The following RAPGEF6 variants were observed in gnomAD, a reference collection of about 807,000 sequenced individuals.
RAPGEF6 encodes the protein Rap guanine nucleotide exchange factor 6, also known as PDZ domain containing guanine nucleotide exchange factor (GEF) 2.
A neutral mutation model predicts 171.4 loss-of-function variants in RAPGEF6; 56 were observed. The ratio of observed to expected loss-of-function variants is 0.33; its 90% CI spans 0.26 to 0.41. The LOEUF (loss-of-function observed/expected upper bound fraction) is 0.41. Among genes scored for constraint, RAPGEF6 ranks in the 10% least tolerant of loss-of-function variants. The pLI is 1.00. For missense variants in RAPGEF6, 1,674 were observed against 1,921.4 expected, an observed-to-expected ratio of 0.87 and a Z score of 2.41; for synonymous variants, 692 against 650.1, an observed-to-expected ratio of 1.06 and a Z score of -0.98.
intron 3 of RAPGEF6, among the ~76,000 whole-genome samples, chr5:131,594,770 T>C (rs924306479): frequency 3.3e-5 from 5 of 152,274 alleles, no homozygotes; most frequent in South Asian, 2.1e-4. Flanking sequence ...CGGAGGTTAT[T>C]TGGAAGCTTT....
At chr5:131,498,319 T>A (rs556619406) in intron 12 of RAPGEF6, 124 bp downstream of exon 12, 1 of 857,126 alleles carries the variant, frequency 1.2e-6, no homozygotes, top group South Asian at 1.9e-5. Flanking sequence ...ATGGTTCAGG[T>A]TCATTAATTT....
rs189332239 is a variant in RAPGEF6 at position 131,502,720 on chromosome 5, G to C, written c.1254+1906C>G. On this transcript the variant is annotated intron_variant, in intron 11 of 27. Transcript: ENST00000509018. ...ACAACTAAATGCAACTGTGTTCTTG[G>C]ACAACACTCTAGACCAGAAGTAAGT... 3.3e-3 allele frequency among the ~76,000 whole-genome samples: 506 copies of C among 152,318 alleles called. 4 individuals are homozygous for C. The highest frequency in any genetic ancestry group is 0.012 in the African/African-American group (478 of 41,564).
intron 4 of RAPGEF6, among the ~76,000 whole-genome samples, chr5:131,581,204 T>G (rs1162274484): frequency 6.6e-6 from 1 of 152,228 alleles, no homozygotes; most frequent in Non-Finnish European, 1.5e-5. Flanking sequence ...AAAGGAGGAC[T>G]CTGTATATTT....
At position 131,485,056 on chromosome 5, in the gene RAPGEF6, A is replaced by T. The variant is rs150758571; in HGVS notation, c.1840+4490T>A. 3.1e-3 allele frequency among the ~76,000 whole-genome samples: 473 copies of T among 152,198 alleles called. 7 individuals are homozygous for T. In the East Asian group the frequency reaches 0.052, roughly 17 times the overall value. On this transcript the variant is annotated intron_variant, in intron 15 of 27. Coordinates refer to ENST00000509018, the MANE Select transcript of RAPGEF6 (RefSeq NM_016340.6). ...ATCTTCCTGCTTCAGCCTCCCAAGT[A>T]GCTGGGACTACAGGTGCATGCTACC...
At chr5:131,559,273 G>T (rs537334624) in intron 5 of RAPGEF6, among the ~76,000 whole-genome samples, 1 of 152,060 alleles carries the variant, frequency 6.6e-6, no homozygotes, top group Non-Finnish European at 1.5e-5. Context: ...AGGTTGCAGT[G>T]AGCTGAGATT....
At chr5:131,488,930 A>C (rs1406891016) in intron 15 of RAPGEF6, among the ~76,000 whole-genome samples, 1 of 152,224 alleles carries the variant, frequency 6.6e-6, no homozygotes, top group Non-Finnish European at 1.5e-5. Context: ...CTTTCCTAAA[A>C]GTTTAAAAAA....
In RAPGEF6 at chr5:131,461,882, C is replaced by A; in HGVS notation, c.2687G>T (p.Gly896Val). ...DDLFKLNSKTGNTHLKRFEDI... is the reference protein window; with the variant it reads ...DDLFKLNSKTVNTHLKRFEDI... ...CTCAAACCTCTTCAAATGAGTATTT[C>A]CTGTTTTGGAATTTAACTTAAAAAG... The change falls in exon 19 of 28, where the codon GGA becomes GTA. Residue 896 changes from glycine to valine, a missense_variant. Gly to Val is a moderately radical substitution (Grantham distance 109, BLOSUM62 -3). This residue lies in a region of RAPGEF6 where 1,116 missense variants were observed against 1,321.5 expected (regional missense o/e 0.84). Coordinates refer to ENST00000509018, the MANE Select transcript of RAPGEF6 (RefSeq NM_016340.6). The A allele has an allele frequency of 6.2e-7, 1 of 1,614,058 alleles. No individual in the cohort carries two copies. Among genetic ancestry groups the A allele is most frequent in the Non-Finnish European group, 8.5e-7 (1 of 1,179,974 alleles).
intron 7 of RAPGEF6, among the ~76,000 whole-genome samples, chr5:131,515,150 T>C (rs1423731925): frequency 6.6e-6 from 1 of 152,216 alleles, no homozygotes; most frequent in East Asian, 1.9e-4. Flanking sequence ...CTAAGAGTTA[T>C]ACAAACTTAC....
intron 1 of RAPGEF6, among the ~76,000 whole-genome samples, chr5:131,622,806 G>A (rs1765672333): frequency 6.6e-6 from 1 of 152,082 alleles, no homozygotes; most frequent in South Asian, 2.1e-4. Flanking sequence ...CCCTCTGAAT[G>A]TGCATCTGCT....
intron 19 of RAPGEF6, among the ~76,000 whole-genome samples, chr5:131,458,428 G>C (rs1047514887): frequency 6.6e-6 from 1 of 152,154 alleles, no homozygotes. Context: ...ATGGGGAACT[G>C]TGAGTTAATT....
intron 19 of RAPGEF6, among the ~76,000 whole-genome samples, chr5:131,456,796 G>A (rs1011214025): frequency 2.0e-5 from 3 of 152,264 alleles, no homozygotes; most frequent in Admixed American, 1.3e-4. Context: ...ATGGAGTTAG[G>A]TATCTTTGTT....
intron 4 of RAPGEF6, among the ~76,000 whole-genome samples, chr5:131,565,484 G>A (rs1288700693): frequency 2.0e-5 from 3 of 152,120 alleles, no homozygotes; most frequent in African/African-American, 7.2e-5. Flanking sequence ...TCACCTTGGA[G>A]GACTGACATA....
At chr5:131,444,709 C>T (rs1752579034) in intron 22 of RAPGEF6, among the ~76,000 whole-genome samples, 1 of 152,048 alleles carries the variant, frequency 6.6e-6, no homozygotes, top group African/African-American at 2.4e-5. Context: ...TGAGAAAAGA[C>T]AGACACAAGT....
intron 1 of RAPGEF6, among the ~76,000 whole-genome samples, chr5:131,623,549 A>C (rs1234925067): frequency 6.8e-6 from 1 of 146,890 alleles, no homozygotes; most frequent in Non-Finnish European, 1.5e-5. Flanking sequence ...ACAATGGTAC[A>C]ATCTTGGCTC....
intron 15 of RAPGEF6, among the ~76,000 whole-genome samples, chr5:131,485,566 C>T (rs1755832872): frequency 6.6e-6 from 1 of 152,162 alleles, no homozygotes; most frequent in African/African-American, 2.4e-5. Flanking sequence ...GTACTCACAT[C>T]CAGGTTTTAG....
At chr5:131,517,911 T>C (rs980620139) in intron 7 of RAPGEF6, among the ~76,000 whole-genome samples, 26 of 152,062 alleles carry the variant, frequency 1.7e-4, no homozygotes, top group Middle Eastern at 3.2e-3. Context: ...TCTATTATAA[T>C]TCTGTGTTTA....
At chr5:131,449,940 T>A (rs960454280) in intron 21 of RAPGEF6, 5 of 1,362,544 alleles carry the variant, frequency 3.7e-6, no homozygotes, top group Non-Finnish European at 5.1e-6. Flanking sequence ...TGCTATTTTA[T>A]GTGCGTGCAT....
intron 5 of RAPGEF6, among the ~76,000 whole-genome samples, chr5:131,550,294 C>T (rs1275094096): frequency 1.3e-5 from 2 of 152,170 alleles, no homozygotes; most frequent in Admixed American, 6.5e-5. Context: ...AATGCCACAA[C>T]GGACCTCTAA....
At chr5:131,600,285 G>T (rs1242931864) in intron 3 of RAPGEF6, among the ~76,000 whole-genome samples, 1 of 152,132 alleles carries the variant, frequency 6.6e-6, no homozygotes, top group Non-Finnish European at 1.5e-5. Context: ...ACTTTGGGAG[G>T]CCGAGGCAGG....
Sources: gnomAD v4.1 joint callset for allele counts (sites outside exome capture counted in the v4.1 genomes callset) on GRCh38, gnomAD v4.1.1 for gene constraint, gnomAD v4.1.1 regional missense constraint, MANE v1.5 for transcripts, NCBI Gene and HGNC (gene_info 2026-07-23, HGNC 2026-07-21) for gene names.